Variants in SPATA13 observed in about 807,000 individuals in gnomAD.
The protein encoded by SPATA13 is spermatogenesis-associated protein 13.
SPATA13 carries 50 observed loss-of-function variants against 104.0 expected under a neutral mutation model. That is an observed-to-expected ratio of 0.48 (90% CI 0.38 to 0.61). The LOEUF (loss-of-function observed/expected upper bound fraction) is 0.61, where lower values mean the gene tolerates loss of function less well. Among genes scored for constraint, SPATA13 ranks in the 20% least tolerant of loss-of-function variants. SPATA13 has a pLI of 0.00. For synonymous variants in SPATA13, 606 were observed against 667.5 expected (o/e 0.91, Z 1.42); for missense variants, 1,524 against 1,690.6 (o/e 0.90, Z 1.73).
chr13:24,017,212 C>T (rs1404473088), intron 2 of SPATA13, among the ~76,000 whole-genome samples: 1 of 152,224 alleles, frequency 6.6e-6, no homozygotes, highest in East Asian at 1.9e-4. Context: ...CTCACACGTG[C>T]CAGGCACTGC....
chr13:24,184,473 G>A (rs998198694), intron 1 of SPATA13, among the ~76,000 whole-genome samples: 1 of 152,214 alleles, frequency 6.6e-6, no homozygotes, highest in African/African-American at 2.4e-5. Flanking sequence ...AGAGAAAAGC[G>A]TACAATGGAG....
In SPATA13 at chr13:24,297,723, G is replaced by A; in HGVS notation, c.3571G>A (p.Asp1191Asn). 1 of 1,611,248 alleles carries A rather than the reference G, an allele frequency of 6.2e-7. No individual in the cohort carries two copies. The highest frequency in any genetic ancestry group is 8.5e-7 in the Non-Finnish European group (1 of 1,178,086). The stretch of plus-strand genomic sequence containing the variant: ...AGATGAAAGGAGGCGGGTGCAAGAG[G>A]ACAAGGAGATGGGTGAGCAGCCCTT... ...CADERRRVQE[D>N]KEMGMEISEN... Residue 1191 changes from aspartate to asparagine, a missense_variant, in exon 11 of 13, where the codon GAC (aspartate) becomes AAC (asparagine). By Grantham distance (23) the Asp-to-Asn change is conservative (BLOSUM62 1). Around this residue, in one of 2 missense-constraint regions of SPATA13, gnomAD observed 435 missense variants for 554.8 expected, o/e 0.78. Coordinates refer to ENST00000382108, the MANE Select transcript of SPATA13 (RefSeq NM_001166271.3).
At chr13:24,064,305 T>G (rs1878874874) in intron 3 of SPATA13, among the ~76,000 whole-genome samples, 1 of 152,192 alleles carries the variant, frequency 6.6e-6, no homozygotes, top group South Asian at 2.1e-4. Context: ...CTAGACCACA[T>G]TCAGATTACA....
In SPATA13 at chr13:24,287,596, AC is replaced by A. The variant is rs536129208; in HGVS notation, c.2667+650del. 5.3e-5 allele frequency among the ~76,000 whole-genome samples: 8 copies of A among 152,228 alleles called. No homozygotes were observed. In the South Asian group the frequency reaches 1.7e-3, roughly 32 times the overall value. On this transcript the variant is annotated intron_variant, in intron 7 of 12. Transcript: ENST00000382108. Reference sequence around the variant, plus strand: ...AGTCAAAGGTTTGTCACTATCTGCAACCCCGCTGCATCTAATCACCAACTGA... The same window carrying A: ...AGTCAAAGGTTTGTCACTATCTGCAACCCGCTGCATCTAATCACCAACTGA...
chr13:24,234,871 T>G (rs2138633062), intron 2 of SPATA13, among the ~76,000 whole-genome samples: 1 of 152,290 alleles, frequency 6.6e-6, no homozygotes, highest in African/African-American at 2.4e-5. Flanking sequence ...TGTAAGGTAG[T>G]TGGGCCTTGT....
At chr13:24,104,404 T>C (rs952320139) in intron 3 of SPATA13, among the ~76,000 whole-genome samples, 2 of 152,228 alleles carry the variant, frequency 1.3e-5, no homozygotes, top group African/African-American at 4.8e-5. Context: ...TTTACAATTC[T>C]CAAGGCAGGC....
upstream of SPATA13, among the ~76,000 whole-genome samples, chr13:24,157,761 A>G (rs1247093823): frequency 6.6e-6 from 1 of 152,188 alleles, no homozygotes; most frequent in Non-Finnish European, 1.5e-5. Context: ...CAGATGGAAT[A>G]CAGCATTGCT....
At chr13:24,164,987 C>T (rs542188579) in intron 1 of SPATA13, among the ~76,000 whole-genome samples, 1 of 152,260 alleles carries the variant, frequency 6.6e-6, no homozygotes, top group South Asian at 2.1e-4. Context: ...CCGCAGAATG[C>T]AAGGAGAATG....
chr13:24,277,518 C>CATGAAG (rs11281898), intron 4 of SPATA13, among the ~76,000 whole-genome samples: 38,764 of 149,802 alleles, frequency 0.26, 5,526 homozygotes, highest in African/African-American at 0.38. Context: ...GAAACAGAGT[C>CATGAAG]ATGAAGACTG....
intron 2 of SPATA13, among the ~76,000 whole-genome samples, chr13:23,986,911 T>C (rs1875173289): frequency 6.6e-6 from 1 of 152,020 alleles, no homozygotes; most frequent in Non-Finnish European, 1.5e-5. Flanking sequence ...GTTCAGCATA[T>C]TGAGAGTGAA....
At chr13:23,999,056 G>A (rs1875826582) in intron 2 of SPATA13, among the ~76,000 whole-genome samples, 1 of 151,682 alleles carries the variant, frequency 6.6e-6, no homozygotes, top group Admixed American at 6.6e-5. Context: ...CTCCCAAGTA[G>A]CTGGGATTAC....
intron 4 of SPATA13, among the ~76,000 whole-genome samples, chr13:24,257,733 T>G (rs2138674067): frequency 6.6e-6 from 1 of 152,228 alleles, no homozygotes; most frequent in East Asian, 1.9e-4. Context: ...AGTGATACAG[T>G]AATACGAATT....
chr13:24,169,000 A>G (rs1882854766), intron 1 of SPATA13, among the ~76,000 whole-genome samples: 1 of 152,156 alleles, frequency 6.6e-6, no homozygotes, highest in African/African-American at 2.4e-5. Context: ...ATTTTCTATC[A>G]GATTCAATAC....
At chr13:23,994,978 C>G (rs1875609874) in intron 2 of SPATA13, among the ~76,000 whole-genome samples, 1 of 152,132 alleles carries the variant, frequency 6.6e-6, no homozygotes, top group African/African-American at 2.4e-5. Context: ...GGACATCTGG[C>G]AGTGTCTGGA....
rs1227590521 is a variant in SPATA13 at position 24,121,980 on chromosome 13, G to A, written c.-111-100839G>A. The A allele has an allele frequency of 5.5e-6, 5 of 912,262 alleles. No homozygotes were observed. In the African/African-American group the frequency reaches 8.2e-5, roughly 15 times the overall value. The allele number at this position is 912,262 out of a possible 1,614,324, so 56.5% of individuals were successfully genotyped here. A position where few individuals can be genotyped will look rare whatever the true frequency, so the allele number is the denominator to read the frequency against. ...ATCTATTCATCATTAGTTTAGAGTA[G>A]ATAACATGAACCACTTCTGGAACCA... is the stretch of plus-strand genomic sequence containing the variant. On this transcript the variant is annotated intron_variant, in intron 3 of 14. Transcript: ENST00000424834.
chr13:24,241,638 C>T (rs1251011938), intron 2 of SPATA13, among the ~76,000 whole-genome samples: 1 of 152,232 alleles, frequency 6.6e-6, no homozygotes, highest in East Asian at 1.9e-4. Flanking sequence ...CCAGGAAGCC[C>T]ACCTGGTGGT....
At position 24,267,918 on chromosome 13, in the gene SPATA13, T is replaced by C. The variant is rs77647417; in HGVS notation, c.2164+16056T>C. On this transcript the variant is annotated intron_variant, in intron 4 of 12. Coordinates refer to ENST00000382108, the MANE Select transcript of SPATA13 (RefSeq NM_001166271.3). Reference sequence around the variant, plus strand: ...AACACTTCTGAAACCTGAATGTGCATTTGAATAACCTGGGATGTTGTTAAA... The same window carrying C: ...AACACTTCTGAAACCTGAATGTGCACTTGAATAACCTGGGATGTTGTTAAA... Among the ~76,000 whole-genome samples, 742 of 152,352 alleles carry C rather than the reference T, an allele frequency of 4.9e-3. 4 individuals are homozygous for C. Among genetic ancestry groups the C allele is most frequent in the African/African-American group, 0.017 (726 of 41,584 alleles).
In SPATA13 at chr13:24,278,919, TCC is replaced by T. The variant is rs1251848462; in HGVS notation, c.2165-5215_2165-5214del. ...TTCCTTCCTTCCTTCCTTCCTTCCT[TCC>T]TTCCCTCTTTCCTTCCTTCCTTCCT... On this transcript the variant is annotated intron_variant, in intron 4 of 12. Coordinates refer to ENST00000382108, the MANE Select transcript of SPATA13 (RefSeq NM_001166271.3). 2.4e-6 allele frequency: 3 copies of T among 1,236,018 alleles called. No individual in the cohort carries two copies. The East Asian group carries it at 8.6e-5, about 35-fold the overall frequency. The allele number at this position is 1,236,018 out of a possible 1,614,324, so 76.6% of individuals were successfully genotyped here. A position where few individuals can be genotyped will look rare whatever the true frequency, so the allele number is the denominator to read the frequency against.
chr13:24,294,327 G>C (rs1458787476), intron 9 of SPATA13, among the ~76,000 whole-genome samples: 1 of 152,204 alleles, frequency 6.6e-6, no homozygotes. Flanking sequence ...AATAGTCACT[G>C]TTGAAAATGG....
Sources: gnomAD v4.1 joint callset for allele counts (sites outside exome capture counted in the v4.1 genomes callset) on GRCh38, gnomAD v4.1.1 for gene constraint, gnomAD v4.1.1 regional missense constraint, MANE v1.5 for transcripts, NCBI Gene and HGNC (gene_info 2026-07-23, HGNC 2026-07-21) for gene names.